The following PHKB variants were observed in gnomAD, a reference collection of about 807,000 sequenced individuals.
PHKB encodes the protein phosphorylase b kinase regulatory subunit beta.
PHKB carries 122 observed loss-of-function variants against 152.1 expected under a neutral mutation model. The observed-to-expected ratio is 0.80, with a 90% confidence interval of 0.69 to 0.93. The LOEUF is 0.93. PHKB is among the 40% of genes least tolerant of loss of function. The probability of loss-of-function intolerance (pLI) is 0.00; values close to 1 mark genes in which losing one functional copy is unlikely to be tolerated. For synonymous variants in PHKB, 436 were observed against 464.9 expected, an observed-to-expected ratio of 0.94 and a Z score of 0.80; for missense variants, 1,304 against 1,328.4, an observed-to-expected ratio of 0.98 and a Z score of 0.29.
chr16:47,500,649 G>T (rs1242966312), intron 3 of PHKB, among the ~76,000 whole-genome samples: 1 of 151,560 alleles, frequency 6.6e-6, no homozygotes, highest in East Asian at 1.9e-4. Context: ...CTGCACTTCA[G>T]CATAGTATCT....
intron 6 of PHKB, among the ~76,000 whole-genome samples, chr16:47,535,792 TTAA>T (rs1290354935): frequency 3.9e-5 from 6 of 152,238 alleles, no homozygotes; most frequent in Non-Finnish European, 5.9e-5. Flanking sequence ...CATTATTGTC[TTAA>T]TGATACTCTT....
chr16:47,663,806 C>A, intron 24 of PHKB, 72 bp downstream of exon 24: 1 of 902,250 alleles, frequency 1.1e-6, no homozygotes, highest in Non-Finnish European at 1.9e-6. Flanking sequence ...AGAAAATGGA[C>A]CAATATTAAA....
At chr16:47,616,866 A>C (rs1318286778) in intron 14 of PHKB, among the ~76,000 whole-genome samples, 2 of 151,556 alleles carry the variant, frequency 1.3e-5, no homozygotes, top group Non-Finnish European at 2.9e-5. Context: ...CAAGCCAGTC[A>C]TAAGATTTAA....
chr16:47,481,252 AT>A (rs2151633799), intron 1 of PHKB, among the ~76,000 whole-genome samples: 1 of 152,230 alleles, frequency 6.6e-6, no homozygotes, highest in South Asian at 2.1e-4. Flanking sequence ...TGGTTATGAA[AT>A]TTTTCTTGAA....
intron 13 of PHKB, among the ~76,000 whole-genome samples, chr16:47,602,667 C>G (rs1972252022): frequency 6.6e-6 from 1 of 150,584 alleles, no homozygotes; most frequent in Non-Finnish European, 1.5e-5. Context: ...CTGCCACTTA[C>G]TACCTGTGTG....
At chr16:47,658,399 C>T (rs1003572785) in intron 20 of PHKB, among the ~76,000 whole-genome samples, 7 of 152,102 alleles carry the variant, frequency 4.6e-5, no homozygotes, top group African/African-American at 1.7e-4. Flanking sequence ...TACTCCCCAT[C>T]CCCTACCTTT....
At chr16:47,475,433 A>G (rs1362658214) in intron 1 of PHKB, among the ~76,000 whole-genome samples, 1 of 152,168 alleles carries the variant, frequency 6.6e-6, no homozygotes, top group African/African-American at 2.4e-5. Flanking sequence ...AGCAAAAACA[A>G]TACATTTAAT....
chr16:47,564,602 G>A (rs971332148), intron 7 of PHKB, among the ~76,000 whole-genome samples: 2 of 152,030 alleles, frequency 1.3e-5, no homozygotes, highest in African/African-American at 4.8e-5. Flanking sequence ...TCCATTGGTG[G>A]TTTAGTTACA....
intron 6 of PHKB, among the ~76,000 whole-genome samples, chr16:47,516,992 A>G (rs886679955): frequency 1.3e-5 from 2 of 152,140 alleles, no homozygotes; most frequent in Non-Finnish European, 2.9e-5. Flanking sequence ...TATAAAACAA[A>G]TAAGGGAAAG....
At chr16:47,680,579 A>T (rs1378096277) in intron 26 of PHKB, among the ~76,000 whole-genome samples, 3 of 152,034 alleles carry the variant, frequency 2.0e-5, no homozygotes, top group Admixed American at 2.0e-4. Context: ...GTATTCTCTG[A>T]TGGTAGTTTG....
chr16:47,690,434 G>A (rs919904062), intron 27 of PHKB, among the ~76,000 whole-genome samples: 2 of 152,138 alleles, frequency 1.3e-5, no homozygotes, highest in African/African-American at 4.8e-5. Context: ...ACAACACTTT[G>A]TATGGCAAAA....
chr16:47,641,039 C>A lies in PHKB; in HGVS notation c.1463C>A (p.Pro488Gln). The A allele has an allele frequency of 1.9e-6, 3 of 1,613,696 alleles. No homozygotes were observed. The highest frequency in any genetic ancestry group is 2.5e-6 in the Non-Finnish European group (3 of 1,179,730). The change falls in exon 15 of 31, where the codon CCA (proline) becomes CAA (glutamine). Residue 488 changes from proline to glutamine, a missense_variant. Pro to Gln is a moderately conservative substitution (Grantham distance 76, BLOSUM62 -1). Transcript: ENST00000323584. ...NVSMRFSNQG[P>Q]LENDLVVHVA... ...CTCCCTTATTCTGCATTACAGGGCC[C>A]ACTGGAAAATGACTTGGTAGTTCAT...
chr16:47,682,066 T>C (rs972600410), intron 26 of PHKB, among the ~76,000 whole-genome samples: 1 of 152,242 alleles, frequency 6.6e-6, no homozygotes, highest in African/African-American at 2.4e-5. Context: ...TGAAAATTCT[T>C]TCCTTTAAGA....
At chr16:47,510,675 C>G (rs1377946819) in intron 4 of PHKB, among the ~76,000 whole-genome samples, 2 of 151,710 alleles carry the variant, frequency 1.3e-5, no homozygotes. Context: ...GGTGAGGGTT[C>G]AAAAAGTATA....
intron 6 of PHKB, among the ~76,000 whole-genome samples, chr16:47,517,810 A>G (rs946550782): frequency 6.6e-6 from 1 of 152,004 alleles, no homozygotes; most frequent in Non-Finnish European, 1.5e-5. Flanking sequence ...TTTATTTACT[A>G]TATGTGAAGT....
intron 14 of PHKB, among the ~76,000 whole-genome samples, chr16:47,613,339 G>A (rs904010341): frequency 1.3e-5 from 2 of 152,198 alleles, no homozygotes; most frequent in African/African-American, 4.8e-5. Context: ...TTACTGTAGT[G>A]AGGATATGTC....
chr16:47,663,579 A>T, intron 23 of PHKB, 98 bp from the exon 24 acceptor site: 1 of 913,374 alleles, frequency 1.1e-6, no homozygotes, highest in Non-Finnish European at 1.8e-6. Context: ...TATCAACTCT[A>T]GTGAAGCACA....
Position 47,596,465 on chromosome 16 carries a change from A to C in PHKB, c.1297A>C (p.Asn433His). 6.2e-7 allele frequency: 1 copy of C among 1,613,958 alleles called. No homozygotes were observed. The highest frequency in any genetic ancestry group is 8.5e-7 in the Non-Finnish European group (1 of 1,179,836). ...TGGTAGTCAAAAACGATTTCCTAGC[A>C]ACTGTGGCCGTGATGGAAAACTGTT... ...NPGSQKRFPS[N>H]CGRDGKLFLW... The change falls in exon 13 of 31, where the codon AAC becomes CAC. Residue 433 changes from asparagine to histidine, a missense_variant. Physicochemically the swap from Asn to His is moderately conservative, Grantham distance 68 (BLOSUM62 1). Coordinates refer to ENST00000323584, the MANE Select transcript of PHKB (RefSeq NM_000293.3).
chr16:47,656,526 G>C (rs72800679), intron 20 of PHKB, among the ~76,000 whole-genome samples: 7,736 of 152,184 alleles, frequency 0.051, 285 homozygotes, highest in Non-Finnish European at 0.073. Flanking sequence ...TCTAAAAATT[G>C]TGGTAAAACA....
Sources: allele counts gnomAD v4.1 joint callset (sites outside exome capture counted in the v4.1 genomes callset), GRCh38; gene constraint gnomAD v4.1.1; transcripts MANE v1.5; gene names NCBI Gene and HGNC (gene_info 2026-07-23, HGNC 2026-07-21).